The following AUH variants were observed in gnomAD, a reference collection of about 807,000 sequenced individuals.
AUH encodes methylglutaconyl-CoA hydratase, mitochondrial.
Under a neutral mutation model 42.3 loss-of-function variants are expected in AUH, and 29 were observed. The observed-to-expected ratio is 0.69, with a 90% CI of 0.51 to 0.93. The LOEUF is 0.93. Among genes scored for constraint, AUH ranks in the 40% least tolerant of loss-of-function variants. The pLI is 0.00. For missense variants in AUH, 452 were observed against 438.1 expected (o/e 1.03, Z -0.28); for synonymous variants, 174 against 166.4 (o/e 1.05, Z -0.35).
intron 6 of AUH, among the ~76,000 whole-genome samples, chr9:91,254,883 T>C (rs1027550731): frequency 2.6e-5 from 4 of 152,174 alleles, no homozygotes; most frequent in Admixed American, 2.0e-4. Flanking sequence ...ATATTTTTGA[T>C]ATGGGAGTAA....
chr9:91,250,661 A>G (rs777500109), intron 6 of AUH, among the ~76,000 whole-genome samples: 5 of 152,220 alleles, frequency 3.3e-5, no homozygotes, highest in Non-Finnish European at 5.9e-5. Context: ...CCCTAAGAAA[A>G]TGTTGAGGAC....
intron 3 of AUH, among the ~76,000 whole-genome samples, chr9:91,334,575 A>G (rs1171600479): frequency 1.8e-5 from 2 of 109,266 alleles, no homozygotes; most frequent in Non-Finnish European, 3.9e-5. Context: ...GCAGATGTAG[A>G]CTGTGGGACA....
Position 91,273,602 on chromosome 9 carries a change from T to C in AUH, c.655+22419A>G, listed in dbSNP as rs148435914. Among the ~76,000 whole-genome samples, 333 of 152,356 alleles carry C rather than the reference T, an allele frequency of 2.2e-3. 2 individuals are homozygous for C. Among genetic ancestry groups the C allele is most frequent in the Middle Eastern group, 6.8e-3 (2 of 294 alleles). On this transcript the variant is annotated intron_variant, in intron 6 of 9. Transcript: ENST00000375731. ...TTGAAAATGTTACATTTATTTAAGG[T>C]CGCTCAAAATAAAGGTACCAAATTG... is the stretch of plus-strand genomic sequence containing the variant.
At chr9:91,320,235 A>T (rs1829464388) in intron 4 of AUH, among the ~76,000 whole-genome samples, 1 of 152,226 alleles carries the variant, frequency 6.6e-6, no homozygotes, top group Non-Finnish European at 1.5e-5. Context: ...ACGGTTTTAG[A>T]ATCTGTACGT....
At chr9:91,290,534 A>G (rs1483332867) in intron 6 of AUH, among the ~76,000 whole-genome samples, 1 of 152,190 alleles carries the variant, frequency 6.6e-6, no homozygotes, top group Non-Finnish European at 1.5e-5. Flanking sequence ...AAATAATTCT[A>G]TTTGTCAGAA....
At chr9:91,326,613 T>G (rs1434729679) in intron 3 of AUH, among the ~76,000 whole-genome samples, 1 of 152,178 alleles carries the variant, frequency 6.6e-6, no homozygotes, top group Non-Finnish European at 1.5e-5. Flanking sequence ...ACACAAATTT[T>G]AAAAACAATA....
intron 6 of AUH, among the ~76,000 whole-genome samples, chr9:91,221,686 AC>A (rs1463732945): frequency 6.6e-6 from 1 of 152,166 alleles, no homozygotes; most frequent in Non-Finnish European, 1.5e-5. Context: ...TACTTTAGGG[AC>A]TTCGGGAGTT....
At chr9:91,225,640 T>C (rs1441706649) in intron 6 of AUH, among the ~76,000 whole-genome samples, 2 of 151,670 alleles carry the variant, frequency 1.3e-5, no homozygotes, top group South Asian at 2.1e-4. Context: ...CATGCTGGTG[T>C]GCTGCACCCA....
At chr9:91,317,911 A>C (rs1206266172) in intron 4 of AUH, among the ~76,000 whole-genome samples, 1 of 152,160 alleles carries the variant, frequency 6.6e-6, no homozygotes, top group African/African-American at 2.4e-5. Flanking sequence ...GGCTAACATC[A>C]TGAGTTAAAA....
At chr9:91,298,593 A>G (rs1827536251) in intron 4 of AUH, among the ~76,000 whole-genome samples, 3 of 152,322 alleles carry the variant, frequency 2.0e-5, no homozygotes, top group South Asian at 4.1e-4. Context: ...TTTAGTGAGG[A>G]GCCCTAACAT....
At chr9:91,276,909 A>T (rs1295351226) in intron 6 of AUH, among the ~76,000 whole-genome samples, 2 of 152,216 alleles carry the variant, frequency 1.3e-5, no homozygotes, top group Non-Finnish European at 2.9e-5. Flanking sequence ...CTTAAAAGAA[A>T]TGTATTATAC....
intron 7 of AUH, among the ~76,000 whole-genome samples, chr9:91,220,471 T>C (rs1020997683): frequency 6.6e-6 from 1 of 152,234 alleles, no homozygotes; most frequent in African/African-American, 2.4e-5. Context: ...ACTCTTTCTT[T>C]CCATGGCTAT....
At chr9:91,338,294 C>T (rs796754709) in intron 3 of AUH, among the ~76,000 whole-genome samples, 9 of 152,308 alleles carry the variant, frequency 5.9e-5, no homozygotes, top group African/African-American at 2.2e-4. Flanking sequence ...TCTCCCTCTT[C>T]AATAGGATCA....
chr9:91,241,582 A>C (rs1388630426), intron 6 of AUH, among the ~76,000 whole-genome samples: 1 of 152,170 alleles, frequency 6.6e-6, no homozygotes, highest in Non-Finnish European at 1.5e-5. Flanking sequence ...TACTTGTGTC[A>C]AATGAACATG....
At chr9:91,326,984 T>A (rs1830004812) in intron 3 of AUH, among the ~76,000 whole-genome samples, 2 of 152,180 alleles carry the variant, frequency 1.3e-5, no homozygotes, top group African/African-American at 2.4e-5. Flanking sequence ...TCATCTCAAG[T>A]GGGCCATTCT....
At chr9:91,355,592 A>G (rs1832347692) in intron 3 of AUH, among the ~76,000 whole-genome samples, 1 of 152,200 alleles carries the variant, frequency 6.6e-6, no homozygotes, top group African/African-American at 2.4e-5. Context: ...ATTGGCCACA[A>G]TTAAGACACA....
intron 6 of AUH, among the ~76,000 whole-genome samples, chr9:91,280,424 TC>T (rs1304132719): frequency 6.6e-6 from 1 of 152,150 alleles, no homozygotes; most frequent in East Asian, 1.9e-4. Context: ...ACCTGTTTTT[TC>T]TAAGAGAGCA....
At chr9:91,312,584 G>A (rs769156259) in intron 4 of AUH, among the ~76,000 whole-genome samples, 8 of 152,116 alleles carry the variant, frequency 5.3e-5, no homozygotes, top group Non-Finnish European at 8.8e-5. Context: ...CAAAATAGCC[G>A]GCGTGGTGGC....
At chr9:91,263,316 C>T (rs1395809212) in intron 6 of AUH, among the ~76,000 whole-genome samples, 1 of 152,148 alleles carries the variant, frequency 6.6e-6, no homozygotes, top group Non-Finnish European at 1.5e-5. Flanking sequence ...TCACTTGTTT[C>T]TATATCTATA....
Sources: allele counts gnomAD v4.1 joint callset (sites outside exome capture counted in the v4.1 genomes callset), GRCh38; gene constraint gnomAD v4.1.1; transcripts MANE v1.5; gene names NCBI Gene and HGNC (gene_info 2026-07-23, HGNC 2026-07-21).